Variants in AIDA observed in about 807,000 individuals in gnomAD.
The protein encoded by AIDA is axin interactor, dorsalization-associated protein.
A neutral mutation model predicts 42.7 loss-of-function variants in AIDA; 18 were observed. The ratio of observed to expected loss-of-function variants is 0.42; its 90% CI spans 0.29 to 0.63. The LOEUF (loss-of-function observed/expected upper bound fraction) is 0.63, where lower values mean the gene tolerates loss of function less well. AIDA is among the 20% of genes least tolerant of loss of function. The pLI, the probability that AIDA is intolerant of heterozygous loss-of-function variation, is 0.19. For synonymous variants in AIDA, 104 were observed against 122.9 expected (o/e 0.85, Z 1.02); for missense variants, 250 against 354.1 (o/e 0.71, Z 2.36).
chr1:222,700,066 T>G (rs560675820), intron 2 of AIDA, among the ~76,000 whole-genome samples: 6 of 152,124 alleles, frequency 3.9e-5, no homozygotes, highest in African/African-American at 7.2e-5. Context: ...CTAAGAAAAT[T>G]AAACTTTTAA....
intron 1 of AIDA, 132 bp downstream of exon 1, chr1:222,712,076 A>T: frequency 7.2e-7 from 1 of 1,393,948 alleles, no homozygotes; most frequent in Non-Finnish European, 9.8e-7. Flanking sequence ...GAGGGATCTC[A>T]GCCCCAGTGC....
chr1:222,700,612 T>C (rs910951977), intron 2 of AIDA, among the ~76,000 whole-genome samples: 3 of 99,842 alleles, frequency 3.0e-5, no homozygotes, highest in Admixed American at 8.6e-5. Flanking sequence ...AAAAATTAGC[T>C]GGGCGCGGTG....
At chr1:222,681,628 A>C (rs900017523) in intron 6 of AIDA, among the ~76,000 whole-genome samples, 2 of 152,206 alleles carry the variant, frequency 1.3e-5, no homozygotes, top group Non-Finnish European at 2.9e-5. Flanking sequence ...GTACCACTGC[A>C]CTCCAGCCTG....
In AIDA at chr1:222,684,839, T is replaced by C. The variant is rs75278231; in HGVS notation, c.460+2091A>G. On this transcript the variant is annotated intron_variant, in intron 6 of 9. Transcript: ENST00000340020. ...CCCATAAAGACCTTAATCTGCCCACTTCATGATTTACATCATCTGCTTCTT... is the reference window on the plus strand; with the variant it reads ...CCCATAAAGACCTTAATCTGCCCACCTCATGATTTACATCATCTGCTTCTT... Among the ~76,000 whole-genome samples, 853 of 152,302 alleles carry C rather than the reference T, an allele frequency of 5.6e-3. 44 individuals carry two copies. The East Asian group carries it at 0.13, about 24-fold the overall frequency.
chr1:222,694,323 A>G, intron 2 of AIDA, 60 bp from the exon 3 acceptor site: 3 of 1,334,296 alleles, frequency 2.2e-6, no homozygotes, highest in Admixed American at 2.1e-5. Context: ...AGTTCAAATC[A>G]TCAAGTTAAT....
At chr1:222,689,944 T>C (rs970725938) in intron 4 of AIDA, among the ~76,000 whole-genome samples, 1 of 152,130 alleles carries the variant, frequency 6.6e-6, no homozygotes, top group African/African-American at 2.4e-5. Flanking sequence ...TTTATTATCT[T>C]TTATATGTAC....
chr1:222,707,026 T>C (rs554814036), intron 1 of AIDA, among the ~76,000 whole-genome samples: 3 of 152,106 alleles, frequency 2.0e-5, no homozygotes, highest in Non-Finnish European at 4.4e-5. Context: ...GTGGGGGTGA[T>C]GGAAATTTTC....
chr1:222,683,167 G>C (rs376234527), intron 6 of AIDA, among the ~76,000 whole-genome samples: 1 of 152,030 alleles, frequency 6.6e-6, no homozygotes, highest in South Asian at 2.1e-4. Flanking sequence ...TCGTATGTAG[G>C]TCTGTTGAAT....
intron 2 of AIDA, among the ~76,000 whole-genome samples, chr1:222,696,993 T>C (rs1000437296): frequency 1.3e-5 from 2 of 152,044 alleles, no homozygotes; most frequent in South Asian, 2.1e-4. Flanking sequence ...CCCAGGCTGG[T>C]GTGCAGTGGC....
chr1:222,697,105 G>A (rs1207910033), intron 2 of AIDA, among the ~76,000 whole-genome samples: 1 of 151,780 alleles, frequency 6.6e-6, no homozygotes, highest in East Asian at 1.9e-4. Flanking sequence ...ACCGCGCCCG[G>A]CTAATTTCTG....
At chr1:222,699,341 G>GT (rs1441586335) in intron 2 of AIDA, among the ~76,000 whole-genome samples, 2 of 152,140 alleles carry the variant, frequency 1.3e-5, no homozygotes, top group African/African-American at 2.4e-5. Context: ...ACACAATTGA[G>GT]TTTTTTCTCC....
intron 2 of AIDA, among the ~76,000 whole-genome samples, chr1:222,697,659 G>A (rs1303979912): frequency 6.6e-6 from 1 of 152,064 alleles, no homozygotes; most frequent in Non-Finnish European, 1.5e-5. Flanking sequence ...TCAGTTAAAG[G>A]AAAAGATGGA....
intron 1 of AIDA, among the ~76,000 whole-genome samples, chr1:222,704,918 C>G (rs1295843454): frequency 6.6e-6 from 1 of 152,068 alleles, no homozygotes; most frequent in Non-Finnish European, 1.5e-5. Context: ...AACAGGAATA[C>G]AAAGGGTAGC....
intron 6 of AIDA, among the ~76,000 whole-genome samples, chr1:222,681,877 C>T (rs1267849308): frequency 2.6e-5 from 4 of 152,126 alleles, no homozygotes; most frequent in Admixed American, 2.0e-4. Flanking sequence ...ACAGCTGGTA[C>T]AGAGAAAAGC....
intron 6 of AIDA, among the ~76,000 whole-genome samples, chr1:222,680,611 T>C (rs1664636544): frequency 6.6e-6 from 1 of 152,222 alleles, no homozygotes; most frequent in Admixed American, 6.5e-5. Flanking sequence ...TGTACCTGGA[T>C]GGATAATTTC....
intron 6 of AIDA, among the ~76,000 whole-genome samples, chr1:222,678,149 T>C (rs954993172): frequency 1.3e-5 from 2 of 152,114 alleles, no homozygotes; most frequent in Non-Finnish European, 2.9e-5. Flanking sequence ...TTTTATCATA[T>C]GTAAAGTTGA....
rs144047591 is a variant in AIDA at position 222,680,076 on chromosome 1, G to A, written c.461-3858C>T. Among the ~76,000 whole-genome samples the A allele has an allele frequency of 1.7e-4, 26 of 152,256 alleles. No individual in the cohort carries two copies. The East Asian group carries it at 4.8e-3, about 28-fold the overall frequency. On this transcript the variant is annotated intron_variant, in intron 6 of 9. Transcript: ENST00000340020. ...ATATGCACTAAAGACAATAAAATAC[G>A]AGGATAATACTACACCATCTGCAGC...
chr1:222,693,124 C>A (rs1166744320), intron 4 of AIDA, among the ~76,000 whole-genome samples: 1 of 152,054 alleles, frequency 6.6e-6, no homozygotes, highest in Admixed American at 6.5e-5. Flanking sequence ...TTTTATGATT[C>A]CCTACTTAGA....
intron 1 of AIDA, among the ~76,000 whole-genome samples, chr1:222,709,035 C>T (rs573862629): frequency 3.9e-5 from 6 of 152,296 alleles, no homozygotes; most frequent in Admixed American, 2.0e-4. Context: ...ACAAAACAGA[C>T]ACCGCCCCAA....
Sources: gnomAD v4.1 joint callset for allele counts (sites outside exome capture counted in the v4.1 genomes callset) on GRCh38, gnomAD v4.1.1 for gene constraint, MANE v1.5 for transcripts, NCBI Gene and HGNC (gene_info 2026-07-23, HGNC 2026-07-21) for gene names.